CNBD1: variants seen among roughly 807,000 people sequenced by gnomAD.
CNBD1 encodes the protein cyclic nucleotide-binding domain-containing protein 1.
A neutral mutation model predicts 54.4 loss-of-function variants in CNBD1; 71 were observed. The observed-to-expected ratio is 1.30, with a 90% CI of 1.08 to 1.59. The LOEUF (loss-of-function observed/expected upper bound fraction) is 1.59, where lower values mean the gene tolerates loss of function less well. CNBD1 is among the 40% of genes most tolerant of loss of function. The pLI, the probability that CNBD1 is intolerant of heterozygous loss-of-function variation, is 0.00. For missense variants in CNBD1, 659 were observed against 518.0 expected, an observed-to-expected ratio of 1.27 and a Z score of -2.64; for synonymous variants, 182 against 170.7, an observed-to-expected ratio of 1.07 and a Z score of -0.51.
intron 4 of CNBD1, among the ~76,000 whole-genome samples, chr8:86,970,830 A>G (rs115804766): frequency 0.019 from 2,923 of 152,256 alleles, 96 homozygotes; most frequent in African/African-American, 0.06. Flanking sequence ...GTTTACACAT[A>G]CCACCTTTTC....
At chr8:87,114,763 C>T (rs188921815) in intron 4 of CNBD1, among the ~76,000 whole-genome samples, 11 of 152,168 alleles carry the variant, frequency 7.2e-5, no homozygotes, top group Admixed American at 1.3e-4. Flanking sequence ...ATTCTGAGGG[C>T]GTTTGCATTT....
chr8:87,193,314 A>G (rs1384401901), intron 4 of CNBD1, among the ~76,000 whole-genome samples: 1 of 152,196 alleles, frequency 6.6e-6, no homozygotes, highest in Non-Finnish European at 1.5e-5. Flanking sequence ...CTGGCATTTT[A>G]TGTATAGCTC....
At chr8:87,354,684 G>T (rs898109316) in intron 10 of CNBD1, among the ~76,000 whole-genome samples, 3 of 151,616 alleles carry the variant, frequency 2.0e-5, no homozygotes, top group African/African-American at 7.3e-5. Context: ...GTGATAGTTT[G>T]CTGAGAATGA....
At chr8:87,241,366 G>C (rs1230944550) in intron 6 of CNBD1, among the ~76,000 whole-genome samples, 2 of 149,216 alleles carry the variant, frequency 1.3e-5, no homozygotes, top group African/African-American at 5.0e-5. Flanking sequence ...TGCCTCCCGG[G>C]TTCACGTCAT....
At chr8:87,204,491 A>G (rs1369458186) in intron 4 of CNBD1, among the ~76,000 whole-genome samples, 1 of 152,096 alleles carries the variant, frequency 6.6e-6, no homozygotes, top group Non-Finnish European at 1.5e-5. Context: ...GCTTTTTATA[A>G]CCATGTCCCA....
intron 8 of CNBD1, among the ~76,000 whole-genome samples, chr8:87,299,551 T>C (rs922410502): frequency 1.2e-4 from 19 of 152,200 alleles, no homozygotes; most frequent in African/African-American, 4.6e-4. Flanking sequence ...CTGAATTAGA[T>C]CCAAATGCAT....
intron 4 of CNBD1, among the ~76,000 whole-genome samples, chr8:86,951,011 C>G (rs1018135367): frequency 4.6e-5 from 7 of 152,084 alleles, no homozygotes; most frequent in Non-Finnish European, 1.0e-4. Context: ...TCTGCAGTAT[C>G]AGATGCAATG....
intron 2 of CNBD1, among the ~76,000 whole-genome samples, chr8:87,423,889 G>T (rs1236277353): frequency 6.6e-6 from 1 of 152,214 alleles, no homozygotes; most frequent in Non-Finnish European, 1.5e-5. Flanking sequence ...GAATTTGGCT[G>T]TGAAGCCATC....
intron 2 of CNBD1, among the ~76,000 whole-genome samples, chr8:87,407,737 C>T (rs1312215098): frequency 1.3e-5 from 2 of 151,776 alleles, no homozygotes; most frequent in Non-Finnish European, 2.9e-5. Context: ...TTTGTATTAC[C>T]TTGCAGAATA....
intron 8 of CNBD1, among the ~76,000 whole-genome samples, chr8:87,351,199 G>A (rs998835456): frequency 6.6e-6 from 1 of 152,160 alleles, no homozygotes; most frequent in Admixed American, 6.5e-5. Context: ...GGGCCAATGT[G>A]GCCTCAAAGC....
chr8:87,041,343 G>A (rs2130609910), intron 4 of CNBD1, among the ~76,000 whole-genome samples: 1 of 152,272 alleles, frequency 6.6e-6, no homozygotes, highest in Middle Eastern at 3.4e-3. Flanking sequence ...GGGTTGTGGT[G>A]CAGAACTAAG....
chr8:87,335,598 C>T (rs915556927), intron 8 of CNBD1, among the ~76,000 whole-genome samples: 12 of 152,052 alleles, frequency 7.9e-5, no homozygotes, highest in Non-Finnish European at 1.5e-5. Context: ...CTACGTGTGT[C>T]TTTGCACGTA....
At chr8:87,310,701 G>T (rs1809246349) in intron 8 of CNBD1, among the ~76,000 whole-genome samples, 1 of 152,080 alleles carries the variant, frequency 6.6e-6, no homozygotes, top group Admixed American at 6.6e-5. Flanking sequence ...AAAGAACAAA[G>T]CCAGAGGCAT....
chr8:87,290,737 G>A (rs1359753421), intron 8 of CNBD1, among the ~76,000 whole-genome samples: 1 of 152,150 alleles, frequency 6.6e-6, no homozygotes, highest in Non-Finnish European at 1.5e-5. Context: ...TTTGCAGGGT[G>A]TAGGATTTGA....
chr8:87,321,659 T>C (rs1210716524), intron 8 of CNBD1, among the ~76,000 whole-genome samples: 2 of 152,164 alleles, frequency 1.3e-5, no homozygotes, highest in African/African-American at 2.4e-5. Flanking sequence ...TCTCTATTGA[T>C]TATTTCCTTT....
intron 8 of CNBD1, among the ~76,000 whole-genome samples, chr8:87,351,052 C>T (rs566103968): frequency 6.6e-6 from 1 of 152,156 alleles, no homozygotes; most frequent in East Asian, 1.9e-4. Context: ...ACTTTATATG[C>T]CCCATGTGGT....
chr8:87,005,057 T>A (rs1299656094), intron 4 of CNBD1, among the ~76,000 whole-genome samples: 1 of 152,114 alleles, frequency 6.6e-6, no homozygotes, highest in East Asian at 1.9e-4. Flanking sequence ...TGAAGATTTT[T>A]TTTTTTTTAA....
intron 6 of CNBD1, among the ~76,000 whole-genome samples, chr8:87,249,600 C>T (rs1252175828): frequency 6.6e-6 from 1 of 152,102 alleles, no homozygotes; most frequent in East Asian, 1.9e-4. Context: ...AATATAATCA[C>T]CATTATTAGT....
chr8:87,149,378 T>C (rs549022826), intron 4 of CNBD1, among the ~76,000 whole-genome samples: 1 of 152,250 alleles, frequency 6.6e-6, no homozygotes, highest in South Asian at 2.1e-4. Context: ...GGTTGCATAA[T>C]TTTGTGTTGT....
Sources: gnomAD v4.1 joint callset for allele counts (sites outside exome capture counted in the v4.1 genomes callset) on GRCh38, gnomAD v4.1.1 for gene constraint, MANE v1.5 for transcripts, NCBI Gene and HGNC (gene_info 2026-07-23, HGNC 2026-07-21) for gene names.